The following DYRK1A variants were observed in gnomAD, a reference collection of about 807,000 sequenced individuals.
DYRK1A encodes the protein dual specificity tyrosine phosphorylation regulated kinase 1A.
Under a neutral mutation model 79.7 loss-of-function variants are expected in DYRK1A, and 9 were observed. That is an observed-to-expected ratio of 0.11 (90% CI 0.07 to 0.20). DYRK1A has a LOEUF of 0.20. Among genes scored for constraint, DYRK1A ranks in the 10% least tolerant of loss-of-function variants. The pLI, the probability that DYRK1A is intolerant of heterozygous loss-of-function variation, is 1.00. For missense variants in DYRK1A, 622 were observed against 956.0 expected (o/e 0.65, Z 4.61); for synonymous variants, 349 against 329.7 (o/e 1.06, Z -0.63).
intron 2 of DYRK1A, among the ~76,000 whole-genome samples, chr21:37,424,625 C>T (rs1307675471): frequency 2.0e-5 from 3 of 152,090 alleles, no homozygotes; most frequent in Admixed American, 2.0e-4. Flanking sequence ...GGAGCAAATC[C>T]AGGGTACTCA....
Position 37,461,314 on chromosome 21 carries a change from C to T in DYRK1A, c.11-11370C>T, listed in dbSNP as rs565662809. On this transcript the variant is annotated intron_variant, in intron 2 of 11. Coordinates refer to ENST00000647188, the MANE Select transcript of DYRK1A (RefSeq NM_001347721.2). ...AAACCACAACTACTTTTACACCAAC[C>T]GAATACTTACATTTATTTCTCCTGT... Among the ~76,000 whole-genome samples, 10 of 152,188 alleles carry T rather than the reference C, an allele frequency of 6.6e-5. No homozygotes were observed. In the East Asian group the frequency reaches 7.7e-4, roughly 12 times the overall value.
chr21:37,419,259 G>T (rs2050417237), intron 1 of DYRK1A: 1 of 152,162 alleles, frequency 6.6e-6, no homozygotes, highest in Non-Finnish European at 1.5e-5. Flanking sequence ...TAATTTAGGA[G>T]TGTAAAACAA....
In DYRK1A at chr21:37,521,546, G is replaced by C. The variant is rs1176312758; in HGVS notation, c.*9015G>C. ...CATGTCACATTTTGTTGTTATAAGT[G>C]GGAAAGATAAGTAATTACAAGTAAG... On this transcript the variant is annotated 3_prime_UTR_variant, in exon 12 of 12. Coordinates refer to ENST00000647188, the MANE Select transcript of DYRK1A (RefSeq NM_001347721.2). 6.6e-6 allele frequency: 1 copy of C among 152,220 alleles called. No individual in the cohort carries two copies. Among genetic ancestry groups the C allele is most frequent in the Non-Finnish European group, 1.5e-5 (1 of 68,048 alleles). The allele number at this position is 152,220 out of a possible 1,614,324, so 9.4% of individuals were successfully genotyped here.
intron 2 of DYRK1A, among the ~76,000 whole-genome samples, chr21:37,463,232 G>GTGTGTGTGTGTGTA (rs1555973890): frequency 1.4e-5 from 2 of 147,500 alleles, no homozygotes; most frequent in African/African-American, 2.5e-5. Flanking sequence ...GTGTGTGTGT[G>GTGTGTGTGTGTGTA]TATCCTGTAG....
In DYRK1A at chr21:37,515,586, T is replaced by C. The variant is rs2053871578; in HGVS notation, c.*3055T>C. The stretch of plus-strand genomic sequence containing the variant: ...CTCGTACGGGGCCATATCAGAATTC[T>C]AGAATTCTTGCCACTGTGATTCAAT... On this transcript the variant is annotated 3_prime_UTR_variant, in exon 12 of 12. Coordinates refer to ENST00000647188, the MANE Select transcript of DYRK1A (RefSeq NM_001347721.2). 6.6e-6 allele frequency: 1 copy of C among 152,244 alleles called. No individual in the cohort carries two copies. Among genetic ancestry groups the C allele is most frequent in the African/African-American group, 2.4e-5 (1 of 41,458 alleles). 9.4% of individuals were successfully genotyped at this position (152,244 alleles called of 1,614,324 possible). A position where few individuals can be genotyped will look rare whatever the true frequency, so the allele number is the denominator to read the frequency against.
chr21:37,451,849 T>G (rs1221196084), intron 2 of DYRK1A, among the ~76,000 whole-genome samples: 1 of 152,208 alleles, frequency 6.6e-6, no homozygotes, highest in African/African-American at 2.4e-5. Flanking sequence ...TGAGAACGTT[T>G]CTTAGCATGA....
intron 1 of DYRK1A, among the ~76,000 whole-genome samples, chr21:37,390,153 C>T (rs1428797849): frequency 6.6e-6 from 1 of 152,016 alleles, no homozygotes; most frequent in African/African-American, 2.4e-5. Flanking sequence ...CCTGTCAGTA[C>T]CAAGTCTCCA....
chr21:37,390,993 G>A (rs1333182475), intron 1 of DYRK1A, among the ~76,000 whole-genome samples: 2 of 152,184 alleles, frequency 1.3e-5, no homozygotes, highest in African/African-American at 4.8e-5. Context: ...TGTGCGCCTG[G>A]TGTTTCCTCA....
Position 37,396,944 on chromosome 21 carries a change from C to T in DYRK1A, c.-76-23355C>T, listed in dbSNP as rs2049968761. On this transcript the variant is annotated intron_variant, in intron 1 of 11. Coordinates refer to ENST00000647188, the MANE Select transcript of DYRK1A (RefSeq NM_001347721.2). ...TAGGTTGGTGGCGGTGACTGCCTCA[C>T]GTGGTCATCTGGAGTCATGCATTTT... Among the ~76,000 whole-genome samples, 3 of 152,142 alleles carry T rather than the reference C, an allele frequency of 2.0e-5. No homozygotes were observed. In the South Asian group the frequency reaches 6.2e-4, roughly 31 times the overall value.
At chr21:37,467,331 G>T (rs1336620207) in intron 2 of DYRK1A, among the ~76,000 whole-genome samples, 2 of 152,174 alleles carry the variant, frequency 1.3e-5, no homozygotes, top group Non-Finnish European at 2.9e-5. Context: ...CTGGGCCCAG[G>T]TGATCCTCTA....
In DYRK1A at chr21:37,523,841, T is replaced by C. The variant is rs1320237271; in HGVS notation, c.*11310T>C. The C allele has an allele frequency of 2.0e-5, 3 of 152,212 alleles. No individual in the cohort carries two copies. The highest frequency in any genetic ancestry group is 4.8e-5 in the African/African-American group (2 of 41,454). The allele number at this position is 152,212 out of a possible 1,614,324, so 9.4% of individuals were successfully genotyped here. ...ATTTGCAAGTTGTCCACGGCCACTTTGGTGCTACTGTGGCAGAATTGAGTA... is the reference window on the plus strand; with the variant it reads ...ATTTGCAAGTTGTCCACGGCCACTTCGGTGCTACTGTGGCAGAATTGAGTA... On this transcript the variant is annotated 3_prime_UTR_variant, in exon 12 of 12. Coordinates refer to ENST00000647188, the MANE Select transcript of DYRK1A (RefSeq NM_001347721.2).
intron 1 of DYRK1A, among the ~76,000 whole-genome samples, chr21:37,398,103 A>G (rs12626889): frequency 0.2 from 29,745 of 146,510 alleles, 3,276 homozygotes; most frequent in East Asian, 0.36. Flanking sequence ...ATATTTATAT[A>G]TTTTTGTATA....
chr21:37,438,243 C>T (rs2050983987), intron 2 of DYRK1A, among the ~76,000 whole-genome samples: 1 of 152,178 alleles, frequency 6.6e-6, no homozygotes. Flanking sequence ...ATTTGCTAAG[C>T]TTTTCTCCTA....
intron 2 of DYRK1A, among the ~76,000 whole-genome samples, chr21:37,457,052 A>G (rs1430512079): frequency 6.8e-5 from 5 of 73,798 alleles, no homozygotes; most frequent in African/African-American, 2.0e-4. Flanking sequence ...TTATTTATTT[A>G]TTTATTTATT....
At chr21:37,463,204 G>GTGTGTGTGTGTGTGTGTT (rs2051906695) in intron 2 of DYRK1A, among the ~76,000 whole-genome samples, 1 of 2,272 alleles carries the variant, frequency 4.4e-4, no homozygotes, top group Admixed American at 5.9e-3. Context: ...ATGTTGGCAC[G>GTGTGTGTGTGTGTGTGTT]TGTGTGTGTG....
intron 1 of DYRK1A, among the ~76,000 whole-genome samples, chr21:37,402,341 CTG>C (rs751127819): frequency 1.3e-5 from 2 of 152,120 alleles, no homozygotes; most frequent in Non-Finnish European, 2.9e-5. Flanking sequence ...CTCTAAATGT[CTG>C]TATTCAGTCT....
chr21:37,421,008 A>G (rs2050460487), intron 2 of DYRK1A, among the ~76,000 whole-genome samples: 1 of 152,106 alleles, frequency 6.6e-6, no homozygotes, highest in Admixed American at 6.6e-5. Flanking sequence ...GATCTTTTAC[A>G]TGGGAAACTG....
chr21:37,522,822 C>G lies in DYRK1A; in HGVS notation c.*10291C>G, dbSNP rs570845511. On this transcript the variant is annotated 3_prime_UTR_variant, in exon 12 of 12. Coordinates refer to ENST00000647188, the MANE Select transcript of DYRK1A (RefSeq NM_001347721.2). ...CTGCTCTTTGCCCATTTCTCTGTTC[C>G]CAAGGTCATTTTCTCCCCTTCTTGT... 6.6e-6 allele frequency: 1 copy of G among 152,452 alleles called. No homozygotes were observed. Among genetic ancestry groups the G allele is most frequent in the South Asian group, 2.1e-4 (1 of 4,826 alleles). The allele number at this position is 152,452 out of a possible 1,614,324, so 9.4% of individuals were successfully genotyped here.
intron 1 of DYRK1A, among the ~76,000 whole-genome samples, chr21:37,387,606 T>C (rs1190070676): frequency 3.3e-5 from 5 of 152,198 alleles, no homozygotes; most frequent in Admixed American, 1.3e-4. Flanking sequence ...CTGGACCTAA[T>C]AGGATCCCTT....
Sources: gnomAD v4.1 joint callset for allele counts (sites outside exome capture counted in the v4.1 genomes callset) on GRCh38, gnomAD v4.1.1 for gene constraint, MANE v1.5 for transcripts, NCBI Gene and HGNC (gene_info 2026-07-23, HGNC 2026-07-21) for gene names.